The following P4HA1 variants were observed in gnomAD, a reference collection of about 807,000 sequenced individuals.
The protein encoded by P4HA1 is prolyl 4-hydroxylase subunit alpha 1.
A neutral mutation model predicts 72.8 loss-of-function variants in P4HA1; 24 were observed. That is an observed-to-expected ratio of 0.33 (90% CI 0.24 to 0.46). P4HA1 has a LOEUF of 0.46. Ranked by LOEUF, P4HA1 falls within the 20% of genes least tolerant of loss-of-function variation. The pLI is 1.00. For missense variants in P4HA1, 446 were observed against 640.6 expected, an observed-to-expected ratio of 0.70 and a Z score of 3.28; for synonymous variants, 201 against 218.8, an observed-to-expected ratio of 0.92 and a Z score of 0.72.
At chr10:73,036,951 G>C (rs1274615327) in intron 9 of P4HA1, among the ~76,000 whole-genome samples, 2 of 151,916 alleles carry the variant, frequency 1.3e-5, no homozygotes, top group South Asian at 2.1e-4. Context: ...TAAATCATAA[G>C]AAATCCAGAG....
At chr10:73,037,804 T>C (rs1840634094) in intron 9 of P4HA1, among the ~76,000 whole-genome samples, 1 of 150,712 alleles carries the variant, frequency 6.6e-6, no homozygotes, top group African/African-American at 2.4e-5. Context: ...GTTCAACCCA[T>C]TACAGAGCAG....
At chr10:73,070,028 T>C (rs1419284785) in intron 4 of P4HA1, among the ~76,000 whole-genome samples, 1 of 151,320 alleles carries the variant, frequency 6.6e-6, no homozygotes, top group Admixed American at 6.6e-5. Flanking sequence ...CAGGCTGGTC[T>C]CCAACTCCTG....
At chr10:73,041,457 C>T (rs1840731333) in intron 9 of P4HA1, among the ~76,000 whole-genome samples, 1 of 151,290 alleles carries the variant, frequency 6.6e-6, no homozygotes, top group African/African-American at 2.4e-5. Flanking sequence ...AGAAGAATGG[C>T]ATGAACCCAG....
At chr10:73,026,345 A>G (rs1231467028) in intron 10 of P4HA1, among the ~76,000 whole-genome samples, 1 of 152,248 alleles carries the variant, frequency 6.6e-6, no homozygotes, top group Non-Finnish European at 1.5e-5. Flanking sequence ...GACAAAAACA[A>G]GAAATGGGGA....
intron 10 of P4HA1, among the ~76,000 whole-genome samples, chr10:73,019,911 G>A (rs548861398): frequency 6.6e-6 from 1 of 151,860 alleles, no homozygotes; most frequent in Non-Finnish European, 1.5e-5. Context: ...CAAGACTTCT[G>A]GGACACCATT....
chr10:73,036,569 G>A (rs182800613), intron 9 of P4HA1, among the ~76,000 whole-genome samples: 18 of 152,032 alleles, frequency 1.2e-4, no homozygotes, highest in African/African-American at 4.3e-4. Flanking sequence ...GCTAATTTTT[G>A]TATTTTTTTG....
chr10:73,028,294 CGT>C (rs913143283), intron 10 of P4HA1, among the ~76,000 whole-genome samples: 2 of 141,976 alleles, frequency 1.4e-5, no homozygotes, highest in African/African-American at 5.5e-5. Flanking sequence ...GGCATCAAAC[CGT>C]GTCACTGTAA....
At chr10:73,044,086 C>T in intron 9 of P4HA1, 1 of 516,734 alleles carries the variant, frequency 1.9e-6, no homozygotes, top group Non-Finnish European at 3.5e-6. Context: ...GGGTAATGGT[C>T]TCGAATCCAC....
At chr10:73,045,276 T>A (rs1451555677) in intron 8 of P4HA1, among the ~76,000 whole-genome samples, 1 of 150,890 alleles carries the variant, frequency 6.6e-6, no homozygotes, top group Non-Finnish European at 1.5e-5. Flanking sequence ...ATGGAGGACA[T>A]ACAAACAAAA....
In P4HA1 at chr10:73,034,583, T is replaced by TG. The variant is rs761183462; in HGVS notation, c.1149-4214dup. On this transcript the variant is annotated intron_variant, in intron 9 of 14. Coordinates refer to ENST00000394890, the MANE Select transcript of P4HA1 (RefSeq NM_001017962.3). ...GCTTATTTCACTTAACATGTGTGTG[T>TG]GGTTTTTTTTTTTTTTTTTGGAGAC... is the stretch of plus-strand genomic sequence containing the variant. Among the ~76,000 whole-genome samples, 195 of 150,306 alleles carry TG rather than the reference T, an allele frequency of 1.3e-3. 4 individuals are homozygous for TG. The highest frequency in any genetic ancestry group is 9.9e-3 in the Admixed American group (149 of 15,024).
At chr10:73,046,338 G>C (rs921055185) in intron 8 of P4HA1, among the ~76,000 whole-genome samples, 2 of 152,134 alleles carry the variant, frequency 1.3e-5, no homozygotes, top group African/African-American at 4.8e-5. Context: ...AGCATAAAGG[G>C]TAGTCTTTTC....
At chr10:73,093,755 A>G (rs1842085448) in intron 1 of P4HA1, among the ~76,000 whole-genome samples, 1 of 143,992 alleles carries the variant, frequency 6.9e-6, no homozygotes, top group Admixed American at 7.1e-5. Flanking sequence ...AGGCAGGAGA[A>G]TGGCGTGAAC....
chr10:73,043,981 G>A, intron 9 of P4HA1: 1 of 1,584,826 alleles, frequency 6.3e-7, no homozygotes, highest in Non-Finnish European at 8.6e-7. Flanking sequence ...GAAAGGACAA[G>A]GACTTACTCC....
At chr10:73,052,867 G>A (rs866845882) in intron 6 of P4HA1, among the ~76,000 whole-genome samples, 3 of 152,156 alleles carry the variant, frequency 2.0e-5, no homozygotes, top group Non-Finnish European at 2.9e-5. Context: ...TCTGATGCAC[G>A]TGGTGCTTGG....
At chr10:73,084,206 G>T (rs1023379945) in intron 1 of P4HA1, among the ~76,000 whole-genome samples, 1 of 152,162 alleles carries the variant, frequency 6.6e-6, no homozygotes, top group Non-Finnish European at 1.5e-5. Context: ...TGTACAATAT[G>T]CACTTTAGAT....
chr10:73,073,568 G>C (rs1315291249), intron 3 of P4HA1, among the ~76,000 whole-genome samples, 163 bp downstream of exon 3: 1 of 152,164 alleles, frequency 6.6e-6, no homozygotes, highest in East Asian at 1.9e-4. Flanking sequence ...CCATGTGAAA[G>C]TTGGCCCAAG....
intron 1 of P4HA1, among the ~76,000 whole-genome samples, chr10:73,088,222 A>G (rs1231168118): frequency 6.6e-6 from 1 of 152,154 alleles, no homozygotes; most frequent in African/African-American, 2.4e-5. Context: ...ATTTTTGCAT[A>G]CAGTGTCAAG....
At chr10:73,094,585 A>C (rs1294361625) in intron 1 of P4HA1, among the ~76,000 whole-genome samples, 1 of 152,248 alleles carries the variant, frequency 6.6e-6, no homozygotes. Context: ...CTGGTTGCTA[A>C]GTAAAATAAA....
At chr10:73,012,555 T>C (rs1839929088) in intron 12 of P4HA1, among the ~76,000 whole-genome samples, 2 of 151,820 alleles carry the variant, frequency 1.3e-5, no homozygotes, top group Admixed American at 1.3e-4. Flanking sequence ...GTGAGAGAAA[T>C]ACAAATTGGG....
Sources: allele counts gnomAD v4.1 joint callset (sites outside exome capture counted in the v4.1 genomes callset), GRCh38; gene constraint gnomAD v4.1.1; transcripts MANE v1.5; gene names NCBI Gene and HGNC (gene_info 2026-07-23, HGNC 2026-07-21).